The following ANKRD44 variants were observed in gnomAD, a reference collection of about 807,000 sequenced individuals.
ANKRD44 encodes ankyrin repeat domain 44.
ANKRD44 carries 35 observed loss-of-function variants against 116.0 expected under a neutral mutation model. The ratio of observed to expected loss-of-function variants is 0.30; its 90% confidence interval spans 0.23 to 0.40. The LOEUF is 0.40. Ranked by LOEUF, ANKRD44 falls within the 10% of genes least tolerant of loss-of-function variation. The probability of loss-of-function intolerance (pLI) is 1.00; values close to 1 mark genes in which losing one functional copy is unlikely to be tolerated. For synonymous variants in ANKRD44, 435 were observed against 461.8 expected (o/e 0.94, Z 0.74); for missense variants, 1,014 against 1,242.6 (o/e 0.82, Z 2.77).
chr2:197,146,780 G>A (rs1203321223), intron 3 of ANKRD44, among the ~76,000 whole-genome samples: 1 of 151,784 alleles, frequency 6.6e-6, no homozygotes, highest in Non-Finnish European at 1.5e-5. Context: ...CATCTACAAT[G>A]CTGGGCCTGA....
chr2:197,081,356 T>C (rs574574351), intron 15 of ANKRD44, among the ~76,000 whole-genome samples: 183 of 152,338 alleles, frequency 1.2e-3, no homozygotes, highest in African/African-American at 4.3e-3. Context: ...TGGTACATGA[T>C]GCATCGCAGT....
intron 26 of ANKRD44, among the ~76,000 whole-genome samples, chr2:196,994,274 C>T (rs1487626273): frequency 6.6e-6 from 1 of 152,032 alleles, no homozygotes; most frequent in Admixed American, 6.6e-5. Flanking sequence ...CCTTGACCTT[C>T]TGCTGGGCTC....
chr2:197,041,216 C>T (rs1378996458), intron 16 of ANKRD44, among the ~76,000 whole-genome samples: 1 of 152,186 alleles, frequency 6.6e-6, no homozygotes, highest in African/African-American at 2.4e-5. Flanking sequence ...AAATCCATCC[C>T]ACTGGATTTC....
intron 16 of ANKRD44, among the ~76,000 whole-genome samples, chr2:197,035,031 C>T (rs1206024795): frequency 6.6e-6 from 1 of 152,114 alleles, no homozygotes; most frequent in East Asian, 1.9e-4. Context: ...TTGGAGGACT[C>T]ACATGAACAG....
intron 1 of ANKRD44, among the ~76,000 whole-genome samples, chr2:197,257,202 G>A (rs1203485174): frequency 6.6e-6 from 1 of 152,188 alleles, no homozygotes; most frequent in African/African-American, 2.4e-5. Context: ...TATAGTAAAG[G>A]TGATTAGCTC....
chr2:197,095,880 G>C (rs1245584880), intron 10 of ANKRD44, among the ~76,000 whole-genome samples: 1 of 152,132 alleles, frequency 6.6e-6, no homozygotes, highest in Admixed American at 6.5e-5. Context: ...AATGGTGTTG[G>C]TTTCTGTTTG....
chr2:197,027,620 T>A (rs889626209), intron 16 of ANKRD44, among the ~76,000 whole-genome samples: 5 of 151,100 alleles, frequency 3.3e-5, no homozygotes, highest in African/African-American at 1.2e-4. Context: ...AGGAGTTTTA[T>A]GAAGAGAATG....
At chr2:197,070,935 C>T (rs536557187) in intron 16 of ANKRD44, among the ~76,000 whole-genome samples, 31 of 152,204 alleles carry the variant, frequency 2.0e-4, no homozygotes, top group Middle Eastern at 3.4e-3. Flanking sequence ...AAATGATCTA[C>T]TTCATACTGG....
intron 1 of ANKRD44, among the ~76,000 whole-genome samples, chr2:197,308,283 G>A (rs993792485): frequency 6.6e-6 from 1 of 152,134 alleles, no homozygotes; most frequent in African/African-American, 2.4e-5. Context: ...GCAGGCGGGC[G>A]GCTCCCTGCC....
intron 1 of ANKRD44, among the ~76,000 whole-genome samples, chr2:197,204,967 C>A (rs1201472996): frequency 6.6e-6 from 1 of 152,240 alleles, no homozygotes; most frequent in Non-Finnish European, 1.5e-5. Context: ...ATTAGAGCAG[C>A]TGTCCAGCAA....
At chr2:196,980,457 CTATT>C (rs2075792744) in intron 21 of ANKRD44, among the ~76,000 whole-genome samples, 2 of 152,116 alleles carry the variant, frequency 1.3e-5, no homozygotes, top group South Asian at 2.1e-4. Flanking sequence ...CGTTAGCTTT[CTATT>C]TATTTAGTTT....
chr2:197,213,734 T>C (rs534918833), intron 1 of ANKRD44, among the ~76,000 whole-genome samples: 53 of 152,354 alleles, frequency 3.5e-4, no homozygotes, highest in Non-Finnish European at 6.5e-4. Context: ...CCGATTTATA[T>C]AGCCAGTTTG....
chr2:197,278,470 C>T (rs926219763), intron 1 of ANKRD44, among the ~76,000 whole-genome samples: 5 of 152,078 alleles, frequency 3.3e-5, no homozygotes. Flanking sequence ...AATTCTCCTG[C>T]CTCAGCCTCC....
intron 1 of ANKRD44, among the ~76,000 whole-genome samples, chr2:197,306,817 G>C (rs2084087556): frequency 6.6e-6 from 1 of 152,178 alleles, no homozygotes; most frequent in Admixed American, 6.5e-5. Context: ...GTGTGAACTA[G>C]GACTTGGCAA....
At chr2:197,278,699 C>T (rs976104447) in intron 1 of ANKRD44, among the ~76,000 whole-genome samples, 1 of 152,186 alleles carries the variant, frequency 6.6e-6, no homozygotes, top group Non-Finnish European at 1.5e-5. Context: ...TGTTACAGGC[C>T]ACAAGGTCTT....
chr2:197,267,077 AGGG>A (rs2082761115), intron 1 of ANKRD44, among the ~76,000 whole-genome samples: 2 of 103,208 alleles, frequency 1.9e-5, no homozygotes, highest in Non-Finnish European at 4.4e-5. Context: ...GAATGAATAA[AGGG>A]AATAAAGGTT....
intron 1 of ANKRD44, among the ~76,000 whole-genome samples, chr2:197,214,400 G>A (rs2081392189): frequency 6.6e-6 from 1 of 152,166 alleles, no homozygotes; most frequent in Admixed American, 6.5e-5. Context: ...CTAGCCTAGT[G>A]TCTGGCACCT....
Position 196,989,119 on chromosome 2 carries a change from CAA to C in ANKRD44, c.*470_*471del. 1 of 984,184 alleles carries C rather than the reference CAA, an allele frequency of 1.0e-6. No individual in the cohort carries two copies. The highest frequency in any genetic ancestry group is 1.2e-6 in the Non-Finnish European group (1 of 829,576). The allele number at this position is 984,184 out of a possible 1,614,324, so 61.0% of individuals were successfully genotyped here. ...CTTGGGCTTTTGGCTAGCCCAGGGT[CAA>C]GTGTTTTTTTTTTCACTTTTTTTTT... On this transcript the variant is annotated 3_prime_UTR_variant, in exon 28 of 28. Transcript: ENST00000282272.
At chr2:197,114,125 C>A (rs187910084) in intron 8 of ANKRD44, among the ~76,000 whole-genome samples, 1 of 152,212 alleles carries the variant, frequency 6.6e-6, no homozygotes, top group Non-Finnish European at 1.5e-5. Context: ...GTTTCATGAT[C>A]TGAGAAATTG....
Sources: gnomAD v4.1 joint callset for allele counts (sites outside exome capture counted in the v4.1 genomes callset) on GRCh38, gnomAD v4.1.1 for gene constraint, MANE v1.5 for transcripts, NCBI Gene and HGNC (gene_info 2026-07-23, HGNC 2026-07-21) for gene names.